KANK4: variants seen among roughly 807,000 people sequenced by gnomAD.
The protein encoded by KANK4 is KN motif and ankyrin repeat domain-containing protein 4.
Under a neutral mutation model 80.8 loss-of-function variants are expected in KANK4, and 50 were observed. The ratio of observed to expected loss-of-function variants is 0.62; its 90% CI spans 0.49 to 0.78. The LOEUF is 0.78. KANK4 is among the 30% of genes least tolerant of loss of function. The pLI is 0.00. For synonymous variants in KANK4, 465 were observed against 506.9 expected (o/e 0.92, Z 1.11); for missense variants, 1,196 against 1,240.1 (o/e 0.96, Z 0.53).
intron 7 of KANK4, among the ~76,000 whole-genome samples, chr1:62,257,843 A>C (rs1229178304): frequency 6.6e-6 from 1 of 152,214 alleles, no homozygotes; most frequent in Non-Finnish European, 1.5e-5. Flanking sequence ...GATGAGTATT[A>C]AGTGAATTCT....
At chr1:62,252,493 A>G (rs922331405) in intron 8 of KANK4, among the ~76,000 whole-genome samples, 1 of 152,236 alleles carries the variant, frequency 6.6e-6, no homozygotes, top group Admixed American at 6.5e-5. Flanking sequence ...AGAACTCTAT[A>G]ATAAGCCTCT....
At chr1:62,296,825 C>T (rs903103248) in intron 1 of KANK4, among the ~76,000 whole-genome samples, 3 of 152,042 alleles carry the variant, frequency 2.0e-5, no homozygotes, top group African/African-American at 7.2e-5. Context: ...TAGGCGTGAG[C>T]CACCACATCT....
chr1:62,312,240 G>C (rs562789606), intron 1 of KANK4, among the ~76,000 whole-genome samples: 2 of 152,246 alleles, frequency 1.3e-5, no homozygotes, highest in African/African-American at 4.8e-5. Context: ...AAAGCCATCA[G>C]GGACATAAAT....
chr1:62,317,253 G>A (rs1370961921), intron 1 of KANK4, among the ~76,000 whole-genome samples: 1 of 152,188 alleles, frequency 6.6e-6, no homozygotes, highest in Non-Finnish European at 1.5e-5. Flanking sequence ...TCTAGGATGA[G>A]CCACCACTCC....
chr1:62,266,778 A>G lies in KANK4; in HGVS notation c.2273T>C (p.Leu758Pro). 2 of 1,613,326 alleles carry G rather than the reference A, an allele frequency of 1.2e-6. No individual in the cohort carries two copies. Among genetic ancestry groups the G allele is most frequent in the Non-Finnish European group, 1.7e-6 (2 of 1,179,236 alleles). Residue 758 changes from leucine to proline, a missense_variant, in exon 6 of 10, where the codon CTG becomes CCG. Leu to Pro is a moderately conservative substitution (Grantham distance 98). Coordinates refer to ENST00000371153, the MANE Select transcript of KANK4 (RefSeq NM_181712.5). ...SEEFLNACRA[L>P]SQHLPETGTT... ...CCCAGTTTCTGGCAGATGCTGGCTCAGTGCCCGGCATGCATTAAGAAATTC... is the reference window on the plus strand; with the variant it reads ...CCCAGTTTCTGGCAGATGCTGGCTCGGTGCCCGGCATGCATTAAGAAATTC...
chr1:62,240,111 A>G (rs1206850451), intron 9 of KANK4, among the ~76,000 whole-genome samples: 3 of 152,206 alleles, frequency 2.0e-5, no homozygotes, highest in African/African-American at 7.2e-5. Flanking sequence ...CAATGGTTGA[A>G]CTAGCTTACA....
chr1:62,239,666 C>G (rs545551000), intron 9 of KANK4, among the ~76,000 whole-genome samples: 1 of 152,168 alleles, frequency 6.6e-6, no homozygotes, highest in Admixed American at 6.5e-5. Context: ...CCTCCTCACT[C>G]CCCCCACCCC....
rs932039283 is a variant in KANK4, at chr1:62,273,527, C to T, written c.1577G>A (p.Ser526Asn). The change falls in exon 3 of 10, where the codon AGC (serine) becomes AAC (asparagine). Residue 526 changes from serine to asparagine, a missense_variant. By Grantham distance (46) the Ser-to-Asn change is conservative. Transcript: ENST00000371153. Reference sequence around the variant, plus strand: ...CCCTGCTGGGGGAGTCTTTCTGTCGCTGCCCCACAGAAAGCCTCCTGCTCC... The same window carrying T: ...CCCTGCTGGGGGAGTCTTTCTGTCGTTGCCCCACAGAAAGCCTCCTGCTCC... ...TRGAGGFLWG[S>N]DRKTPPAGRE... The T allele has an allele frequency of 6.2e-7, 1 of 1,613,382 alleles. No homozygotes were observed. Among genetic ancestry groups the T allele is most frequent in the East Asian group, 2.2e-5 (1 of 44,866 alleles).
chr1:62,269,012 A>G (rs1361782365), intron 4 of KANK4, among the ~76,000 whole-genome samples: 1 of 152,166 alleles, frequency 6.6e-6, no homozygotes, highest in Non-Finnish European at 1.5e-5. Context: ...CCCAGCTTGC[A>G]CTTGGCAAGG....
chr1:62,275,163 C>T (rs1672281156), intron 2 of KANK4, 76 bp from the exon 3 acceptor site: 6 of 1,137,302 alleles, frequency 5.3e-6, no homozygotes, highest in Admixed American at 2.3e-5. Flanking sequence ...GGCCTAATAT[C>T]TCTGATTTTA....
chr1:62,300,434 G>A (rs1296410034), intron 1 of KANK4, among the ~76,000 whole-genome samples: 2 of 152,076 alleles, frequency 1.3e-5, no homozygotes, highest in Admixed American at 1.3e-4. Context: ...CCTAAACAAG[G>A]ACCTATGTGG....
intron 4 of KANK4, 125 bp downstream of exon 4, chr1:62,271,353 A>G (rs953000831): frequency 1.4e-6 from 1 of 715,406 alleles, no homozygotes; most frequent in African/African-American, 1.8e-5. Context: ...TTAAAGGGCC[A>G]TTGAAATTAA....
At chr1:62,246,748 C>T (rs1411762673) in intron 9 of KANK4, among the ~76,000 whole-genome samples, 4 of 152,004 alleles carry the variant, frequency 2.6e-5, no homozygotes, top group Non-Finnish European at 1.5e-5. Context: ...CAGGCGTGCA[C>T]CACCATACCT....
intron 9 of KANK4, among the ~76,000 whole-genome samples, chr1:62,245,900 A>G (rs928582910): frequency 6.6e-6 from 1 of 152,146 alleles, no homozygotes; most frequent in Non-Finnish European, 1.5e-5. Context: ...CGGGCACTCT[A>G]CTAGGTGTGG....
intron 1 of KANK4, among the ~76,000 whole-genome samples, chr1:62,301,597 T>A (rs754270614): frequency 3.3e-5 from 5 of 151,898 alleles, no homozygotes; most frequent in Non-Finnish European, 7.4e-5. Context: ...TGGATCCGGG[T>A]CTGAATCCCA....
chr1:62,261,041 C>T (rs552307195), intron 7 of KANK4, among the ~76,000 whole-genome samples: 15 of 152,108 alleles, frequency 9.9e-5, no homozygotes, highest in Non-Finnish European at 2.1e-4. Flanking sequence ...ATCCTTTCTG[C>T]TTCCTCCACA....
chr1:62,315,505 G>A (rs527994343), intron 1 of KANK4, among the ~76,000 whole-genome samples: 5 of 152,144 alleles, frequency 3.3e-5, no homozygotes, highest in Non-Finnish European at 7.3e-5. Flanking sequence ...ATATTGTACT[G>A]TTCCTGTTTC....
At chr1:62,286,828 C>T (rs578177489) in intron 1 of KANK4, among the ~76,000 whole-genome samples, 3 of 152,230 alleles carry the variant, frequency 2.0e-5, no homozygotes, top group South Asian at 2.1e-4. Flanking sequence ...GGGGCAGAGC[C>T]GAGACAGGAA....
chr1:62,274,613 C>A lies in KANK4; in HGVS notation c.491G>T (p.Ser164Ile), dbSNP rs758055164. 6.2e-7 allele frequency: 1 copy of A among 1,614,030 alleles called. No homozygotes were observed. The highest frequency in any genetic ancestry group is 1.1e-5 in the South Asian group (1 of 91,062). The change falls in exon 3 of 10, where the codon AGC becomes ATC. Residue 164 changes from serine (S) to isoleucine (I), a missense_variant. Ser to Ile is a moderately radical substitution (Grantham distance 142). Transcript: ENST00000371153. ...SGRPQLLRAS[S>I]MPATLLHSRA... The stretch of plus-strand genomic sequence containing the variant: ...GCTGTGCAGCAGCGTGGCAGGCATG[C>A]TGGATGCTCTCAAGAGCTGGGGCCG...
Sources: allele counts gnomAD v4.1 joint callset (sites outside exome capture counted in the v4.1 genomes callset), GRCh38; gene constraint gnomAD v4.1.1; transcripts MANE v1.5; gene names NCBI Gene and HGNC (gene_info 2026-07-23, HGNC 2026-07-21).